Variants in HEATR1 observed in about 807,000 individuals in gnomAD.
The protein encoded by HEATR1 is HEAT repeat containing 1.
In HEATR1, 77 loss-of-function variants were observed where a neutral mutation model predicts 248.2. That is an observed-to-expected ratio of 0.31 (90% CI 0.26 to 0.37). The LOEUF (loss-of-function observed/expected upper bound fraction) is 0.37, where lower values mean the gene tolerates loss of function less well. HEATR1 is among the 10% of genes least tolerant of loss of function. The pLI, the probability that HEATR1 is intolerant of heterozygous loss-of-function variation, is 1.00. For synonymous variants in HEATR1, 897 were observed against 923.1 expected (o/e 0.97, Z 0.51); for missense variants, 2,420 against 2,504.9 (o/e 0.97, Z 0.72).
At chr1:236,561,149 T>A in intron 33 of HEATR1, 76 bp downstream of exon 33, 1 of 1,040,056 alleles carries the variant, frequency 9.6e-7, no homozygotes, top group Non-Finnish European at 1.5e-6. Context: ...ATGAATTTTC[T>A]GTACTGTTTT....
intron 22 of HEATR1, among the ~76,000 whole-genome samples, 200 bp from the exon 23 acceptor site, chr1:236,575,103 T>C (rs1448143804): frequency 1.3e-5 from 2 of 152,198 alleles, no homozygotes; most frequent in South Asian, 2.1e-4. Flanking sequence ...TCATGTGTAA[T>C]GCTCAAAAGT....
intron 3 of HEATR1, among the ~76,000 whole-genome samples, chr1:236,602,653 G>C (rs989503343): frequency 6.6e-6 from 1 of 152,156 alleles, no homozygotes; most frequent in Non-Finnish European, 1.5e-5. Flanking sequence ...GGCTGGGCGA[G>C]GTGGCTCACA....
intron 12 of HEATR1, among the ~76,000 whole-genome samples, chr1:236,588,869 T>C (rs1663959665): frequency 6.6e-6 from 1 of 152,146 alleles, no homozygotes. Flanking sequence ...CCAGCTACTC[T>C]GGAGGCTGAG....
intron 44 of HEATR1, 193 bp downstream of exon 44, chr1:236,551,806 C>G (rs1662758915): frequency 3.7e-6 from 2 of 545,804 alleles, no homozygotes; most frequent in Non-Finnish European, 6.5e-6. Context: ...CACTTCGCAA[C>G]TTGCTCCCTC....
At chr1:236,573,288 C>A (rs182432550) in intron 24 of HEATR1, among the ~76,000 whole-genome samples, 1 of 152,126 alleles carries the variant, frequency 6.6e-6, no homozygotes, top group Non-Finnish European at 1.5e-5. Flanking sequence ...TTCCAAGTGC[C>A]GGATCAGATA....
At chr1:236,551,882 T>C in intron 44 of HEATR1, 117 bp downstream of exon 44, 1 of 704,900 alleles carries the variant, frequency 1.4e-6, no homozygotes, top group Non-Finnish European at 2.5e-6. Flanking sequence ...GTATGAGGAC[T>C]GGATCAACTG....
Position 236,565,908 on chromosome 1 carries a change from T to A in HEATR1, c.4435+11A>T. The A allele has an allele frequency of 6.2e-7, 1 of 1,611,420 alleles. No homozygotes were observed. Among genetic ancestry groups the A allele is most frequent in the Non-Finnish European group, 8.5e-7 (1 of 1,178,864 alleles). On this transcript the variant is annotated intron_variant, in intron 31 of 44. Coordinates refer to ENST00000366582, the MANE Select transcript of HEATR1 (RefSeq NM_018072.6). ...AGATTGAACAGTAAGTGACACCCGA[T>A]CTACGCTTACCTTCTTTTTCCTCTG...
At position 236,596,062 on chromosome 1, in the gene HEATR1, A is replaced by G. The variant is rs1356052923; in HGVS notation, c.745-18T>C. 3 of 1,530,274 alleles carry G rather than the reference A, an allele frequency of 2.0e-6. No homozygotes were observed. The highest frequency in any genetic ancestry group is 2.3e-5 in the South Asian group (2 of 87,726). The allele number at this position is 1,530,274 out of a possible 1,614,324, so 94.8% of individuals were successfully genotyped here. A position where few individuals can be genotyped will look rare whatever the true frequency, so the allele number is the denominator to read the frequency against. ...TTCAATCCCTAAATATTTTTTAAAT[A>G]TAAGGAAAAATGATAAACCATATTA... On this transcript the variant is annotated intron_variant, in intron 6 of 44. Transcript: ENST00000366582.
intron 3 of HEATR1, among the ~76,000 whole-genome samples, chr1:236,599,887 C>G (rs1223712438): frequency 6.6e-6 from 1 of 152,070 alleles, no homozygotes; most frequent in Non-Finnish European, 1.5e-5. Flanking sequence ...TTTCTCTCAG[C>G]TTTACAATTT....
At chr1:236,596,124 A>G in intron 6 of HEATR1, 80 bp from the exon 7 acceptor site, 2 of 1,066,784 alleles carry the variant, frequency 1.9e-6, no homozygotes, top group Admixed American at 4.1e-5. Flanking sequence ...GACAAATTAG[A>G]AATGTCATAG....
chr1:236,563,339 T>A (rs1321413059), intron 32 of HEATR1, among the ~76,000 whole-genome samples: 1 of 152,096 alleles, frequency 6.6e-6, no homozygotes, highest in African/African-American at 2.4e-5. Context: ...TGGAATGCAT[T>A]GGCTCGATCT....
intron 20 of HEATR1, among the ~76,000 whole-genome samples, chr1:236,580,987 T>C (rs1663719081): frequency 6.6e-6 from 1 of 151,766 alleles, no homozygotes. Flanking sequence ...GCCCAGCTAA[T>C]TTTTGTATTT....
In HEATR1 at chr1:236,559,742, A is replaced by C. The variant is rs1447974172; in HGVS notation, c.4742T>G (p.Leu1581Arg). 1.2e-6 allele frequency: 2 copies of C among 1,613,858 alleles called. No individual in the cohort carries two copies. Among genetic ancestry groups the C allele is most frequent in the African/African-American group, 2.7e-5 (2 of 74,914 alleles). The change falls in exon 34 of 45, where the codon CTT (leucine) becomes CGT (arginine). Residue 1581 changes from leucine to arginine, a missense_variant. Coordinates refer to ENST00000366582, the MANE Select transcript of HEATR1 (RefSeq NM_018072.6). ...KLTVKFWRALLSKAYDLLDKV... is the reference protein window; with the variant it reads ...KLTVKFWRALRSKAYDLLDKV... Reference sequence around the variant, plus strand: ...ATCTAACAGGTCGTAAGCTTTACTAAGGAGCGCGCGCCAGAACTTCACGGT... The same window carrying C: ...ATCTAACAGGTCGTAAGCTTTACTACGGAGCGCGCGCCAGAACTTCACGGT...
At chr1:236,576,706 T>G in intron 21 of HEATR1, 74 bp downstream of exon 21, 1 of 1,357,670 alleles carries the variant, frequency 7.4e-7, no homozygotes, top group South Asian at 1.5e-5. Context: ...CACAGTGAAA[T>G]GTCGAGAATG....
Position 236,574,658 on chromosome 1 carries a change from G to T in HEATR1, c.3327+3C>A. Reference sequence around the variant, plus strand: ...GCCTTAGTTTCTGAAAGAAATCACTGACCTTTTCAAGGGCTGTGATCTGAA... The same window carrying T: ...GCCTTAGTTTCTGAAAGAAATCACTTACCTTTTCAAGGGCTGTGATCTGAA... On this transcript the variant is annotated splice_donor_region_variant and intron_variant, in intron 23 of 44. Coordinates refer to ENST00000366582, the MANE Select transcript of HEATR1 (RefSeq NM_018072.6). 1 of 1,609,834 alleles carries T rather than the reference G, an allele frequency of 6.2e-7. No homozygotes were observed. Among genetic ancestry groups the T allele is most frequent in the South Asian group, 1.1e-5 (1 of 90,044 alleles).
intron 12 of HEATR1, 32 bp from the exon 13 acceptor site, chr1:236,588,075 T>C (rs1359783976): frequency 6.5e-7 from 1 of 1,545,324 alleles, no homozygotes; most frequent in African/African-American, 1.4e-5. Context: ...TTAATTTAGC[T>C]GTTGCCAAAA....
Position 236,556,048 on chromosome 1 carries a change from T to C in HEATR1, c.5514+52A>G, listed in dbSNP as rs529006842. 128 of 1,609,514 alleles carry C rather than the reference T, an allele frequency of 8.0e-5. 3 individuals are homozygous for C. In the South Asian group the frequency reaches 1.3e-3, roughly 16 times the overall value. On this transcript the variant is annotated intron_variant, in intron 38 of 44. Coordinates refer to ENST00000366582, the MANE Select transcript of HEATR1 (RefSeq NM_018072.6). ...CTTCTTTAAGTCAAAGTTTACACAT[T>C]GCAGTACCACCTCTCCCTTCTCCAA... is the stretch of plus-strand genomic sequence containing the variant.
chr1:236,567,277 C>T (rs1663297331), intron 29 of HEATR1, among the ~76,000 whole-genome samples: 2 of 152,132 alleles, frequency 1.3e-5, no homozygotes, highest in African/African-American at 4.8e-5. Flanking sequence ...CACACTCAGC[C>T]ACAAGAGTTT....
At chr1:236,552,230 T>TG in intron 43 of HEATR1, 123 bp from the exon 44 acceptor site, 1 of 585,104 alleles carries the variant, frequency 1.7e-6, no homozygotes, top group Non-Finnish European at 3.0e-6. Context: ...GTTTATTCAC[T>TG]TCATTATGTT....
Sources: gnomAD v4.1 joint callset for allele counts (sites outside exome capture counted in the v4.1 genomes callset) on GRCh38, gnomAD v4.1.1 for gene constraint, MANE v1.5 for transcripts, NCBI Gene and HGNC (gene_info 2026-07-23, HGNC 2026-07-21) for gene names.